CEP57: variants seen among roughly 807,000 people sequenced by gnomAD.
The protein encoded by CEP57 is centrosomal protein of 57 kDa.
In CEP57, 40 loss-of-function variants were observed where a neutral mutation model predicts 68.0. The ratio of observed to expected loss-of-function variants is 0.59; its 90% CI spans 0.46 to 0.77. The LOEUF is 0.77. Among genes scored for constraint, CEP57 ranks in the 30% least tolerant of loss-of-function variants. The pLI is 0.00. For missense variants in CEP57, 606 were observed against 580.7 expected, an observed-to-expected ratio of 1.04 and a Z score of -0.45; for synonymous variants, 219 against 198.7, an observed-to-expected ratio of 1.10 and a Z score of -0.86.
At chr11:95,809,804 A>T (rs771681298) in intron 2 of CEP57, among the ~76,000 whole-genome samples, 26 of 152,136 alleles carry the variant, frequency 1.7e-4, no homozygotes, top group African/African-American at 6.3e-4. Context: ...CTTCTGAAAC[A>T]ATTCCAATCA....
chr11:95,792,602 A>G (rs1158481130), intron 1 of CEP57, among the ~76,000 whole-genome samples: 1 of 152,266 alleles, frequency 6.6e-6, no homozygotes, highest in African/African-American at 2.4e-5. Flanking sequence ...CAGAAATACC[A>G]AAGACTGTTC....
intron 8 of CEP57, 124 bp from the exon 9 acceptor site, chr11:95,827,662 A>G: frequency 9.4e-7 from 1 of 1,067,538 alleles, no homozygotes; most frequent in Non-Finnish European, 1.4e-6. Flanking sequence ...TGATGAGAAT[A>G]ATTTTAGGAT....
intron 2 of CEP57, among the ~76,000 whole-genome samples, chr11:95,805,643 T>C (rs899702791): frequency 2.0e-5 from 3 of 152,208 alleles, no homozygotes; most frequent in East Asian, 1.9e-4. Flanking sequence ...TTAGACAAAA[T>C]GATTCTAAAT....
chr11:95,820,903 A>T (rs1045685905), intron 6 of CEP57, among the ~76,000 whole-genome samples: 2 of 152,138 alleles, frequency 1.3e-5, no homozygotes. Context: ...AGATTCCTGT[A>T]TTCCTTTGTC....
At chr11:95,830,369 C>G (rs577109529) in intron 10 of CEP57, among the ~76,000 whole-genome samples, 1 of 152,078 alleles carries the variant, frequency 6.6e-6, no homozygotes, top group African/African-American at 2.4e-5. Context: ...GCAAATTATT[C>G]CTGTAGGAGT....
rs182197719 is a variant in CEP57 at position 95,804,892 on chromosome 11, T to A, written c.202+5504T>A. On this transcript the variant is annotated intron_variant, in intron 2 of 10. Transcript: ENST00000325542. ...ATTTTTTTCCTTTTCAATCATGTGT[T>A]TTCTAAATTATCCTCTGCATTTATT... Among the ~76,000 whole-genome samples the A allele has an allele frequency of 2.9e-3, 437 of 152,328 alleles. 3 individuals carry two copies. Among genetic ancestry groups the A allele is most frequent in the African/African-American group, 0.01 (419 of 41,568 alleles).
chr11:95,807,222 C>T (rs1565317205), intron 2 of CEP57, among the ~76,000 whole-genome samples: 1 of 152,180 alleles, frequency 6.6e-6, no homozygotes, highest in Non-Finnish European at 1.5e-5. Context: ...ATGTCACCAT[C>T]ATCAGACCAA....
intron 1 of CEP57, among the ~76,000 whole-genome samples, chr11:95,792,098 C>T (rs963234638): frequency 1.3e-5 from 2 of 152,068 alleles, no homozygotes; most frequent in Admixed American, 1.3e-4. Context: ...TACAGTGTTT[C>T]AGCCGAATGG....
Position 95,813,550 on chromosome 11 carries a change from G to C in CEP57, c.465G>C (p.Lys155Asn). The C allele has an allele frequency of 1.2e-6, 2 of 1,613,186 alleles. No homozygotes were observed. Among genetic ancestry groups the C allele is most frequent in the South Asian group, 1.1e-5 (1 of 91,076 alleles). ...KQLEYMRNMI[K>N]HAEMERTSVL... ...TGGAATACATGCGAAATATGATAAA[G>C]CATGCCGAAATGGAGAGGACATCTG... is the stretch of plus-strand genomic sequence containing the variant. The change falls in exon 4 of 11, where the codon AAG becomes AAC. Residue 155 changes from lysine (K) to asparagine (N), a missense_variant. Lys to Asn is a moderately conservative substitution (Grantham distance 94). Coordinates refer to ENST00000325542, the MANE Select transcript of CEP57 (RefSeq NM_014679.5).
chr11:95,801,785 C>T (rs941131786), intron 2 of CEP57, among the ~76,000 whole-genome samples: 2 of 150,848 alleles, frequency 1.3e-5, no homozygotes, highest in African/African-American at 4.9e-5. Context: ...TTGAGTGCAA[C>T]ATCAGTGGTT....
At chr11:95,822,118 A>T (rs974368664) in intron 7 of CEP57, 140 bp downstream of exon 7, 5 of 700,550 alleles carry the variant, frequency 7.1e-6, no homozygotes, top group African/African-American at 1.8e-5. Context: ...GAAGGTGGAG[A>T]TAAGTAATAC....
chr11:95,790,780 C>T (rs763580269), intron 1 of CEP57, 37 bp downstream of exon 1: 11 of 1,611,576 alleles, frequency 6.8e-6, no homozygotes, highest in East Asian at 2.2e-5. Flanking sequence ...CCCACGTCGG[C>T]CCTAAGCGCC....
At chr11:95,821,427 A>C (rs192311814) in intron 6 of CEP57, among the ~76,000 whole-genome samples, 2 of 152,132 alleles carry the variant, frequency 1.3e-5, no homozygotes, top group Non-Finnish European at 2.9e-5. Flanking sequence ...ATAAGTTTTC[A>C]ATTCCTTTTT....
At chr11:95,793,983 C>T (rs928996415) in intron 1 of CEP57, among the ~76,000 whole-genome samples, 3 of 152,164 alleles carry the variant, frequency 2.0e-5, no homozygotes, top group African/African-American at 7.2e-5. Context: ...GTAATGACCA[C>T]GTTTGTGGTA....
At chr11:95,828,802 C>G (rs1862867125) in intron 9 of CEP57, among the ~76,000 whole-genome samples, 1 of 151,994 alleles carries the variant, frequency 6.6e-6, no homozygotes, top group African/African-American at 2.4e-5. Flanking sequence ...GTGGCTCACA[C>G]CTGTAATCCC....
Position 95,831,449 on chromosome 11 carries a change from C to T in CEP57, c.*193C>T, listed in dbSNP as rs952120968. 4 of 512,528 alleles carry T rather than the reference C, an allele frequency of 7.8e-6. No homozygotes were observed. The highest frequency in any genetic ancestry group is 1.4e-5 in the Non-Finnish European group (4 of 285,962). The allele number at this position is 512,528 out of a possible 1,614,324, so 31.7% of individuals were successfully genotyped here. A position where few individuals can be genotyped will look rare whatever the true frequency, so the allele number is the denominator to read the frequency against. ...AATGTTAAAGCATTTAAATGGAAAC[C>T]AGGGGAGTTTTAAAGCCCGAGAAAC... On this transcript the variant is annotated 3_prime_UTR_variant, in exon 11 of 11. Coordinates refer to ENST00000325542, the MANE Select transcript of CEP57 (RefSeq NM_014679.5).
intron 6 of CEP57, 37 bp downstream of exon 6, chr11:95,818,941 T>A (rs1391121610): frequency 6.8e-7 from 1 of 1,481,098 alleles, no homozygotes; most frequent in African/African-American, 1.4e-5. Context: ...TCTTCATATT[T>A]CTTACCGCTT....
At chr11:95,827,737 G>GT (rs755371338) in intron 8 of CEP57, 49 bp from the exon 9 acceptor site, 42 of 1,609,998 alleles carry the variant, frequency 2.6e-5, no homozygotes, top group Non-Finnish European at 3.5e-5. Context: ...AGAAAGTGGT[G>GT]TAGAGAATAT....
intron 4 of CEP57, among the ~76,000 whole-genome samples, chr11:95,814,803 GA>G (rs371680242): frequency 2.7e-5 from 4 of 148,970 alleles, no homozygotes; most frequent in Admixed American, 1.3e-4. Context: ...CCCTGCAATG[GA>G]AAAAAAAAAT....
Sources: gnomAD v4.1 joint callset for allele counts (sites outside exome capture counted in the v4.1 genomes callset) on GRCh38, gnomAD v4.1.1 for gene constraint, MANE v1.5 for transcripts, NCBI Gene and HGNC (gene_info 2026-07-23, HGNC 2026-07-21) for gene names.